The following USH2A variants were observed in gnomAD, a reference collection of about 807,000 sequenced individuals.
The protein encoded by USH2A is Usher syndrome 2A (autosomal recessive, mild).
A neutral mutation model predicts 538.9 loss-of-function variants in USH2A; 443 were observed. The observed-to-expected ratio is 0.82, with a 90% confidence interval of 0.76 to 0.89. The LOEUF is 0.89. Among genes scored for constraint, USH2A ranks in the 40% least tolerant of loss-of-function variants. The pLI is 0.00. For synonymous variants in USH2A, 2,413 were observed against 2,273.5 expected (o/e 1.06, Z -1.75); for missense variants, 6,633 against 6,324.8 (o/e 1.05, Z -1.65).
chr1:216,400,216 T>TTATATA (rs71161422), intron 3 of USH2A, among the ~76,000 whole-genome samples: 1,705 of 147,236 alleles, frequency 0.012, 31 homozygotes, highest in African/African-American at 0.04. Flanking sequence ...GAAATAGAAG[T>TTATATA]TATATATATA....
At chr1:215,877,506 G>A (rs1664800821) in intron 43 of USH2A, among the ~76,000 whole-genome samples, 1 of 152,044 alleles carries the variant, frequency 6.6e-6, no homozygotes, top group South Asian at 2.1e-4. Flanking sequence ...CGTGACAAAG[G>A]CAATAGGTTA....
intron 44 of USH2A, among the ~76,000 whole-genome samples, chr1:215,861,501 G>A (rs558411124): frequency 6.6e-6 from 1 of 152,130 alleles, no homozygotes; most frequent in Non-Finnish European, 1.5e-5. Flanking sequence ...GGTCACTTAA[G>A]AACCCAGGAA....
In USH2A at chr1:216,292,266, G is replaced by A; in HGVS notation, c.1749C>T (p.Ser583=). The A allele has an allele frequency of 1.2e-6, 2 of 1,614,076 alleles. No homozygotes were observed. The highest frequency in any genetic ancestry group is 1.7e-6 in the Non-Finnish European group (2 of 1,179,982). Residue 583 remains serine, a synonymous_variant, in exon 10 of 72, where the codon AGC becomes AGT. Coordinates refer to ENST00000307340, the MANE Select transcript of USH2A (RefSeq NM_206933.4). ...GGTCTACAGAGATGTTGTAATGGCA[G>A]CTTTTGGAATGGCTGTTGCATTGAC... ...KPCQCNSHSK[S]CHYNISVDPF...
chr1:216,135,166 TCACACACACACATACA>T (rs1372886706), intron 21 of USH2A, among the ~76,000 whole-genome samples: 21 of 90,346 alleles, frequency 2.3e-4, no homozygotes, highest in African/African-American at 1.0e-3. Context: ...TCTCTCTCTC[TCACACACACACATACA>T]CACACACACA....
chr1:215,857,853 C>T (rs1664211180), intron 44 of USH2A, among the ~76,000 whole-genome samples: 1 of 152,082 alleles, frequency 6.6e-6, no homozygotes, highest in Admixed American at 6.5e-5. Context: ...CTGCTTAGCA[C>T]TTAGGGAAGT....
In USH2A at chr1:215,845,915, C is replaced by T. The variant is rs1044594969; in HGVS notation, c.8964G>A (p.Lys2988=). Residue 2988 remains lysine, a synonymous_variant, in exon 45 of 72, where the codon AAG becomes AAA. Coordinates refer to ENST00000307340, the MANE Select transcript of USH2A (RefSeq NM_206933.4). ...DVNSHVIGHL[K]PNTEYWIFIS... Reference sequence around the variant, plus strand: ...TAAAGATCCAATACTCTGTGTTTGGCTTTAGGTGGCCAATGACATGAGAGT... The same window carrying T: ...TAAAGATCCAATACTCTGTGTTTGGTTTTAGGTGGCCAATGACATGAGAGT... 7 of 1,613,734 alleles carry T rather than the reference C, an allele frequency of 4.3e-6. No homozygotes were observed. The highest frequency in any genetic ancestry group is 5.1e-6 in the Non-Finnish European group (6 of 1,179,922).
chr1:216,245,931 T>C (rs756353248), intron 13 of USH2A, among the ~76,000 whole-genome samples: 9 of 152,192 alleles, frequency 5.9e-5, no homozygotes, highest in Non-Finnish European at 1.2e-4. Context: ...TAAGTACTTA[T>C]ATTTATCATC....
At chr1:215,785,826 C>G (rs1187422437) in intron 52 of USH2A, among the ~76,000 whole-genome samples, 1 of 151,932 alleles carries the variant, frequency 6.6e-6, no homozygotes, top group East Asian at 1.9e-4. Flanking sequence ...GTAAAGCAGA[C>G]TGATGATTCA....
At chr1:215,674,022 T>C (rs1192417337) in intron 63 of USH2A, 78 bp downstream of exon 63, 52 of 1,612,372 alleles carry the variant, frequency 3.2e-5, no homozygotes, top group Non-Finnish European at 1.9e-5. Context: ...AGAGTCTTCA[T>C]TAGAACTGAC....
At chr1:216,323,743 G>T in intron 7 of USH2A, 48 bp from the exon 8 acceptor site, 1 of 1,582,378 alleles carries the variant, frequency 6.3e-7, no homozygotes, top group Non-Finnish European at 8.7e-7. Context: ...TCACATTTTT[G>T]GCAAAACAGA....
chr1:215,985,030 C>G (rs184165576), intron 35 of USH2A, among the ~76,000 whole-genome samples: 1 of 152,154 alleles, frequency 6.6e-6, no homozygotes, highest in Non-Finnish European at 1.5e-5. Context: ...ACCTGACAAA[C>G]TGACTGGAGG....
At chr1:216,391,177 C>T (rs1452639949) in intron 3 of USH2A, among the ~76,000 whole-genome samples, 1 of 152,218 alleles carries the variant, frequency 6.6e-6, no homozygotes, top group African/African-American at 2.4e-5. Flanking sequence ...TGCTATGAAT[C>T]AACCAAAATT....
At chr1:216,384,670 A>T (rs2038975003) in intron 3 of USH2A, among the ~76,000 whole-genome samples, 1 of 152,098 alleles carries the variant, frequency 6.6e-6, no homozygotes, top group Admixed American at 6.6e-5. Flanking sequence ...GCCTCAATCC[A>T]CACACCTGTT....
chr1:216,402,579 G>A (rs980640552), intron 3 of USH2A, among the ~76,000 whole-genome samples: 6 of 151,924 alleles, frequency 3.9e-5, no homozygotes, highest in Non-Finnish European at 8.8e-5. Context: ...TTAATGAATA[G>A]TAAATATATA....
chr1:215,968,288 T>A (rs1472814470), intron 36 of USH2A, among the ~76,000 whole-genome samples: 1 of 152,142 alleles, frequency 6.6e-6, no homozygotes, highest in East Asian at 1.9e-4. Context: ...CATTATTTGG[T>A]TGAGTAAGAA....
At chr1:215,843,983 A>G (rs1663769062) in intron 46 of USH2A, among the ~76,000 whole-genome samples, 1 of 152,200 alleles carries the variant, frequency 6.6e-6, no homozygotes, top group Non-Finnish European at 1.5e-5. Context: ...TCAGTAAAAG[A>G]TCCTGGGAAA....
chr1:215,782,676 A>T, intron 53 of USH2A, 62 bp downstream of exon 53: 1 of 1,556,476 alleles, frequency 6.4e-7, no homozygotes, highest in Non-Finnish European at 8.8e-7. Flanking sequence ...GATTGTACTC[A>T]TTTCAATTTT....
At chr1:216,292,469 C>G in intron 9 of USH2A, 99 bp from the exon 10 acceptor site, 1 of 1,273,648 alleles carries the variant, frequency 7.9e-7, no homozygotes, top group Non-Finnish European at 1.1e-6. Flanking sequence ...AAGCACATAT[C>G]AGTGAGTTAA....
At chr1:215,713,334 A>G (rs1399665563) in intron 61 of USH2A, among the ~76,000 whole-genome samples, 2 of 152,210 alleles carry the variant, frequency 1.3e-5, no homozygotes, top group Non-Finnish European at 2.9e-5. Flanking sequence ...GAAGGCATAC[A>G]ATGAGTAAAA....
Sources: gnomAD v4.1 joint callset for allele counts (sites outside exome capture counted in the v4.1 genomes callset) on GRCh38, gnomAD v4.1.1 for gene constraint, MANE v1.5 for transcripts, NCBI Gene and HGNC (gene_info 2026-07-23, HGNC 2026-07-21) for gene names.